ZNF536: variants seen among roughly 807,000 people sequenced by gnomAD.
The protein encoded by ZNF536 is zinc finger protein 536.
In ZNF536, 13 loss-of-function variants were observed where a neutral mutation model predicts 84.5. The observed-to-expected ratio is 0.15, with a 90% CI of 0.10 to 0.24. The LOEUF (loss-of-function observed/expected upper bound fraction) is 0.24. ZNF536 is among the 10% of genes least tolerant of loss of function. The pLI is 1.00. For missense variants in ZNF536, 1,536 were observed against 1,747.5 expected, an observed-to-expected ratio of 0.88 and a Z score of 2.16; for synonymous variants, 811 against 742.5, an observed-to-expected ratio of 1.09 and a Z score of -1.50.
chr19:30,349,403 C>T (rs2047857081), intron 2 of ZNF536, among the ~76,000 whole-genome samples: 1 of 152,180 alleles, frequency 6.6e-6, no homozygotes, highest in East Asian at 1.9e-4. Flanking sequence ...GGAAAATGTT[C>T]CTGCCTTCCT....
rs553975166 is a variant in ZNF536 at position 30,557,920 on chromosome 19, G to C, written c.*756G>C. 1 of 152,668 alleles carries C rather than the reference G, an allele frequency of 6.6e-6. No homozygotes were observed. Among genetic ancestry groups the C allele is most frequent in the Non-Finnish European group, 1.5e-5 (1 of 68,028 alleles). The allele number at this position is 152,668 out of a possible 1,614,324, so 9.5% of individuals were successfully genotyped here. On this transcript the variant is annotated 3_prime_UTR_variant, in exon 5 of 5. Transcript: ENST00000355537. ...ATAATAATTGTAGCTTTCTGAATAAGTGTCAAACTATATCTTTAAGTGTGC... is the reference window on the plus strand; with the variant it reads ...ATAATAATTGTAGCTTTCTGAATAACTGTCAAACTATATCTTTAAGTGTGC...
At chr19:30,400,212 G>A (rs139155527) in intron 1 of ZNF536, among the ~76,000 whole-genome samples, 9 of 151,968 alleles carry the variant, frequency 5.9e-5, no homozygotes, top group South Asian at 2.1e-4. Context: ...TTGGGTGAAC[G>A]TAAGTTTATT....
chr19:30,343,562 C>A (rs2047632425), intron 2 of ZNF536, among the ~76,000 whole-genome samples: 1 of 152,122 alleles, frequency 6.6e-6, no homozygotes, highest in Non-Finnish European at 1.5e-5. Flanking sequence ...TGTTCCAGGG[C>A]TACTAACTGG....
intron 1 of ZNF536, among the ~76,000 whole-genome samples, chr19:30,675,676 C>T (rs1213183455): frequency 2.6e-5 from 4 of 152,138 alleles, no homozygotes; most frequent in Non-Finnish European, 2.9e-5. Flanking sequence ...AATGAGTGCG[C>T]CCACTCTGAT....
At chr19:30,709,075 T>A (rs914233529) in intron 1 of ZNF536, among the ~76,000 whole-genome samples, 2 of 152,096 alleles carry the variant, frequency 1.3e-5, no homozygotes, top group African/African-American at 4.8e-5. Context: ...TGCTTCAGAA[T>A]AACTTCCCCA....
intron 2 of ZNF536, among the ~76,000 whole-genome samples, chr19:30,447,645 T>C (rs961875399): frequency 6.6e-6 from 1 of 152,220 alleles, no homozygotes; most frequent in Non-Finnish European, 1.5e-5. Flanking sequence ...CATGTAAAGA[T>C]AGATCCCTAC....
rs2045988525 is a variant in ZNF536, at chr19:30,556,981, AATC to A, written c.3896-173_3896-171del. On this transcript the variant is annotated intron_variant, in intron 4 of 4. Transcript: ENST00000355537. ...CTACGTCTAATTGCCAACCTGCCCT[AATC>A]ATGTTGACTATTCTTGCTTTAGCCA... The A allele has an allele frequency of 3.1e-6, 2 of 650,468 alleles. 1 individual carries two copies. The highest frequency in any genetic ancestry group is 5.4e-5 in the Admixed American group (2 of 36,842). The allele number at this position is 650,468 out of a possible 1,614,324, so 40.3% of individuals were successfully genotyped here. A position where few individuals can be genotyped will look rare whatever the true frequency, so the allele number is the denominator to read the frequency against.
chr19:30,450,075 AT>A (rs34039352), intron 2 of ZNF536, among the ~76,000 whole-genome samples: 3,211 of 131,796 alleles, frequency 0.024, 46 homozygotes, highest in Admixed American at 0.038. Flanking sequence ...TAAGATCTTC[AT>A]TTTTTTTTTT....
In ZNF536 at chr19:30,486,953, A is replaced by G. The variant is rs566764571; in HGVS notation, c.2170+41221A>G. On this transcript the variant is annotated intron_variant, in intron 2 of 4. Coordinates refer to ENST00000355537, the MANE Select transcript of ZNF536 (RefSeq NM_014717.3). ...ACACAGTTCATCTGCTCTAGTATTT[A>G]AAAATTACAAACTTAAATAAAGAAC... Among the ~76,000 whole-genome samples the G allele has an allele frequency of 3.3e-5, 5 of 152,350 alleles. No individual in the cohort carries two copies. In the East Asian group the frequency reaches 7.7e-4, roughly 23 times the overall value.
intron 2 of ZNF536, among the ~76,000 whole-genome samples, chr19:30,499,931 TG>T (rs1409825734): frequency 1.3e-5 from 2 of 152,118 alleles, no homozygotes; most frequent in Admixed American, 6.5e-5. Flanking sequence ...CTTGGAGATG[TG>T]TGCAAGTCTA....
intron 1 of ZNF536, among the ~76,000 whole-genome samples, chr19:30,384,860 C>T (rs1600500125): frequency 6.6e-6 from 1 of 152,124 alleles, no homozygotes; most frequent in East Asian, 1.9e-4. Context: ...GACACTATCT[C>T]CACAAAAATA....
intron 1 of ZNF536, among the ~76,000 whole-genome samples, chr19:30,656,848 C>A (rs1355137956): frequency 6.6e-6 from 1 of 152,208 alleles, no homozygotes; most frequent in Non-Finnish European, 1.5e-5. Context: ...CAGTCTGAAC[C>A]ATGGAAATCG....
intron 2 of ZNF536, among the ~76,000 whole-genome samples, chr19:30,351,285 C>G (rs1256898826): frequency 1.3e-5 from 2 of 152,170 alleles, no homozygotes; most frequent in Non-Finnish European, 2.9e-5. Context: ...GTGACAGTGA[C>G]CTTGTTTCAG....
At chr19:30,581,012 A>C (rs147123877) in intron 1 of ZNF536, among the ~76,000 whole-genome samples, 1 of 152,230 alleles carries the variant, frequency 6.6e-6, no homozygotes, top group Non-Finnish European at 1.5e-5. Flanking sequence ...TAGCTTCTGG[A>C]ATTATGAGCA....
chr19:30,650,662 G>A (rs1042573531), intron 1 of ZNF536, among the ~76,000 whole-genome samples: 1 of 152,116 alleles, frequency 6.6e-6, no homozygotes, highest in African/African-American at 2.4e-5. Flanking sequence ...CGTAGAAAGA[G>A]GCAACACATG....
intron 2 of ZNF536, among the ~76,000 whole-genome samples, chr19:30,461,724 C>T (rs945508051): frequency 2.6e-5 from 4 of 152,216 alleles, no homozygotes; most frequent in Non-Finnish European, 5.9e-5. Flanking sequence ...TGTGAGCTTG[C>T]CCCCGTCTCA....
intron 2 of ZNF536, among the ~76,000 whole-genome samples, chr19:30,462,073 C>T (rs1273291864): frequency 1.3e-5 from 2 of 152,290 alleles, no homozygotes; most frequent in East Asian, 1.9e-4. Context: ...TCTGGGAGGG[C>T]CTCCAGAGGA....
intron 1 of ZNF536, among the ~76,000 whole-genome samples, chr19:30,435,136 GATGATGGTGATT>G (rs2051671550): frequency 6.6e-6 from 1 of 151,902 alleles, no homozygotes; most frequent in South Asian, 2.1e-4. Context: ...TGATGCTGAT[GATGATGGTGATT>G]ATGATGGTGA....
At chr19:30,631,458 G>A (rs577970597) in intron 1 of ZNF536, among the ~76,000 whole-genome samples, 26 of 152,304 alleles carry the variant, frequency 1.7e-4, no homozygotes, top group African/African-American at 4.8e-4. Context: ...TCCAGCAAAC[G>A]GGTTGGCTTT....
Sources: allele counts gnomAD v4.1 joint callset (sites outside exome capture counted in the v4.1 genomes callset), GRCh38; gene constraint gnomAD v4.1.1; transcripts MANE v1.5; gene names NCBI Gene and HGNC (gene_info 2026-07-23, HGNC 2026-07-21).